MAPK4: variants seen among roughly 807,000 people sequenced by gnomAD.
MAPK4 encodes Erk3-related.
A neutral mutation model predicts 47.7 loss-of-function variants in MAPK4; 22 were observed. The observed-to-expected ratio is 0.46, with a 90% CI of 0.33 to 0.66. MAPK4 has a LOEUF of 0.66. Ranked by LOEUF, MAPK4 falls within the 30% of genes least tolerant of loss-of-function variation. The pLI is 0.02. For synonymous variants in MAPK4, 390 were observed against 365.7 expected (o/e 1.07, Z -0.76); for missense variants, 736 against 831.7 (o/e 0.88, Z 1.42).
chr18:50,720,107 C>T (rs1234681742), intron 3 of MAPK4, among the ~76,000 whole-genome samples: 1 of 152,192 alleles, frequency 6.6e-6, no homozygotes, highest in Non-Finnish European at 1.5e-5. Flanking sequence ...ATCCTCCATG[C>T]TTCACACCTT....
chr18:50,592,496 C>A, intron 1 of MAPK4, among the ~76,000 whole-genome samples: 1 of 138,124 alleles, frequency 7.2e-6, no homozygotes, highest in East Asian at 2.2e-4. Flanking sequence ...CAGAAGCAGC[C>A]AACTCACGTG....
chr18:50,573,835 A>AT (rs1228698891), intron 1 of MAPK4, among the ~76,000 whole-genome samples: 1 of 152,060 alleles, frequency 6.6e-6, no homozygotes, highest in Admixed American at 6.5e-5. Flanking sequence ...ATTCTGCAGC[A>AT]TTTTTTCAAG....
chr18:50,712,393 T>C (rs1910418937), intron 2 of MAPK4, among the ~76,000 whole-genome samples: 1 of 152,142 alleles, frequency 6.6e-6, no homozygotes, highest in South Asian at 2.1e-4. Flanking sequence ...CGCCACTGCA[T>C]GTCAGCCTGG....
intron 1 of MAPK4, among the ~76,000 whole-genome samples, chr18:50,653,896 G>C (rs544696022): frequency 6.6e-6 from 1 of 152,308 alleles, no homozygotes; most frequent in East Asian, 1.9e-4. Context: ...CAATGGGAGC[G>C]TGAGGTCAGA....
chr18:50,713,139 T>A (rs200633169), intron 2 of MAPK4, among the ~76,000 whole-genome samples: 1 of 152,188 alleles, frequency 6.6e-6, no homozygotes, highest in East Asian at 1.9e-4. Flanking sequence ...AAAGAGGGCA[T>A]GAATAAATTG....
Position 50,621,992 on chromosome 18 carries a change from C to T in MAPK4, c.-870-41097C>T, listed in dbSNP as rs545230093. On this transcript the variant is annotated intron_variant, in intron 1 of 5. Transcript: ENST00000400384. The stretch of plus-strand genomic sequence containing the variant: ...GTCTCTGCCACTGGGTGTGTACAGC[C>T]TTTCTGGGTAGACAGGGCACATCTT... Among the ~76,000 whole-genome samples the T allele has an allele frequency of 1.2e-4, 18 of 152,324 alleles. No individual in the cohort carries two copies. The East Asian group carries it at 3.5e-3, about 29-fold the overall frequency.
chr18:50,658,558 G>A (rs1297414357), intron 1 of MAPK4, among the ~76,000 whole-genome samples: 1 of 152,246 alleles, frequency 6.6e-6, no homozygotes, highest in African/African-American at 2.4e-5. Flanking sequence ...CTCAGGACAT[G>A]CAGTTCCACC....
intron 1 of MAPK4, among the ~76,000 whole-genome samples, chr18:50,615,494 A>G (rs1331441380): frequency 6.6e-6 from 1 of 152,146 alleles, no homozygotes; most frequent in Non-Finnish European, 1.5e-5. Flanking sequence ...AAGGAAGGAA[A>G]AAAGGATGAA....
chr18:50,598,330 C>T (rs1207494906), intron 1 of MAPK4, among the ~76,000 whole-genome samples: 4 of 151,856 alleles, frequency 2.6e-5, no homozygotes, highest in African/African-American at 9.7e-5. Context: ...AGTCCTCCCG[C>T]TTCATTCACT....
At chr18:50,701,937 A>C (rs1217070025) in intron 2 of MAPK4, among the ~76,000 whole-genome samples, 1 of 151,890 alleles carries the variant, frequency 6.6e-6, no homozygotes, top group East Asian at 1.9e-4. Context: ...AGGTGGATCG[A>C]ATCACTTGAG....
intron 1 of MAPK4, among the ~76,000 whole-genome samples, chr18:50,640,244 T>A (rs1191197519): frequency 6.6e-6 from 1 of 152,162 alleles, no homozygotes; most frequent in Non-Finnish European, 1.5e-5. Context: ...CAAATAGGCT[T>A]TTTACCCCCT....
intron 3 of MAPK4, among the ~76,000 whole-genome samples, chr18:50,717,703 C>T (rs1439974200): frequency 6.6e-6 from 1 of 152,204 alleles, no homozygotes; most frequent in African/African-American, 2.4e-5. Flanking sequence ...CTGCAAGTGG[C>T]AGGGCTAATC....
chr18:50,701,861 A>G (rs961823170), intron 2 of MAPK4, among the ~76,000 whole-genome samples: 4 of 152,232 alleles, frequency 2.6e-5, no homozygotes, highest in Non-Finnish European at 4.4e-5. Context: ...ACTTATAAAT[A>G]TCAGCCATAC....
chr18:50,727,364 T>C (rs1911256648), intron 5 of MAPK4, among the ~76,000 whole-genome samples: 1 of 152,194 alleles, frequency 6.6e-6, no homozygotes, highest in Non-Finnish European at 1.5e-5. Context: ...ATTTCTCCTT[T>C]TTAGTCATTT....
Position 50,729,584 on chromosome 18 carries a change from G to C in MAPK4, c.1494G>C (p.Lys498Asn). 1 of 1,416,140 alleles carries C rather than the reference G, an allele frequency of 7.1e-7. No homozygotes were observed. Among genetic ancestry groups the C allele is most frequent in the Non-Finnish European group, 9.2e-7 (1 of 1,085,926 alleles). 87.7% of individuals were successfully genotyped at this position (1,416,140 alleles called of 1,614,324 possible). A position where few individuals can be genotyped will look rare whatever the true frequency, so the allele number is the denominator to read the frequency against. ...SLFLEIAQWV[K>N]STQGGPEHAS... Reference sequence around the variant, plus strand: ...TCCTGGAGATCGCGCAGTGGGTCAAGAGCACGCAGGGCGGCCCAGAGCACG... The same window carrying C: ...TCCTGGAGATCGCGCAGTGGGTCAACAGCACGCAGGGCGGCCCAGAGCACG... Residue 498 changes from lysine to asparagine, a missense_variant, in exon 6 of 6, where the codon AAG (lysine) becomes AAC (asparagine). Lys to Asn is a moderately conservative substitution (Grantham distance 94). Coordinates refer to ENST00000400384, the MANE Select transcript of MAPK4 (RefSeq NM_002747.4).
chr18:50,636,081 C>T (rs997962985), intron 1 of MAPK4, among the ~76,000 whole-genome samples: 1 of 152,208 alleles, frequency 6.6e-6, no homozygotes, highest in Non-Finnish European at 1.5e-5. Flanking sequence ...GGGGCCTTTG[C>T]ACACCCATTT....
In MAPK4 at chr18:50,729,153, T is replaced by A. The variant is rs764167950; in HGVS notation, c.1068-5T>A. ...CCAATCACCGCTCTGTTTGTACCCT[T>A]GCAGGTACCCTGTGAGCCTGTCGTC... On this transcript the variant is annotated splice_region_variant and splice_polypyrimidine_tract_variant and intron_variant, in intron 5 of 5. Coordinates refer to ENST00000400384, the MANE Select transcript of MAPK4 (RefSeq NM_002747.4). 3 of 1,565,586 alleles carry A rather than the reference T, an allele frequency of 1.9e-6. No individual in the cohort carries two copies. In the East Asian group the frequency reaches 6.8e-5, roughly 36 times the overall value.
Position 50,715,099 on chromosome 18 carries a change from G to C in MAPK4, c.567G>C (p.Leu189Phe), listed in dbSNP as rs1379475152. ...YSHKGYLSEGLVTKWYRSPRL... is the reference protein window; with the variant it reads ...YSHKGYLSEGFVTKWYRSPRL... ...TTCAGGGTTATCTGTCAGAAGGGTT[G>C]GTAACAAAGTGGTACCGTTCCCCAC... Residue 189 changes from leucine to phenylalanine, a missense_variant, in exon 3 of 6, where the codon TTG becomes TTC. By Grantham distance (22) the Leu-to-Phe change is conservative. Around this residue, in one of 3 missense-constraint regions of MAPK4, gnomAD observed 327 missense variants for 395.4 expected, o/e 0.83. Transcript: ENST00000400384. 6.2e-7 allele frequency: 1 copy of C among 1,614,008 alleles called. No individual in the cohort carries two copies. Among genetic ancestry groups the C allele is most frequent in the South Asian group, 1.1e-5 (1 of 91,022 alleles).
At chr18:50,649,059 G>A (rs2043019953) in intron 1 of MAPK4, among the ~76,000 whole-genome samples, 1 of 152,214 alleles carries the variant, frequency 6.6e-6, no homozygotes, top group African/African-American at 2.4e-5. Flanking sequence ...TTTGTTTTAT[G>A]TGAGAGAAAC....
Sources: gnomAD v4.1 joint callset for allele counts (sites outside exome capture counted in the v4.1 genomes callset) on GRCh38, gnomAD v4.1.1 for gene constraint, gnomAD v4.1.1 regional missense constraint, MANE v1.5 for transcripts, NCBI Gene and HGNC (gene_info 2026-07-23, HGNC 2026-07-21) for gene names.